FRMD4B: variants seen among roughly 807,000 people sequenced by gnomAD.
FRMD4B encodes the protein FERM domain-containing protein 4B.
Under a neutral mutation model 141.5 loss-of-function variants are expected in FRMD4B, and 74 were observed. The observed-to-expected ratio is 0.52, with a 90% CI of 0.43 to 0.63. The LOEUF (loss-of-function observed/expected upper bound fraction) is 0.63. Ranked by LOEUF, FRMD4B falls within the 30% of genes least tolerant of loss-of-function variation. FRMD4B has a pLI of 0.00. For missense variants in FRMD4B, 1,366 were observed against 1,253.4 expected, an observed-to-expected ratio of 1.09 and a Z score of -1.36; for synonymous variants, 506 against 467.9, an observed-to-expected ratio of 1.08 and a Z score of -1.05.
At chr3:69,443,459 C>A (rs1559528933) in intron 1 of FRMD4B, among the ~76,000 whole-genome samples, 1 of 152,154 alleles carries the variant, frequency 6.6e-6, no homozygotes, top group Non-Finnish European at 1.5e-5. Flanking sequence ...GTTCTATGAG[C>A]TATTATAGCT....
At chr3:69,429,007 T>C (rs1705131393) in intron 2 of FRMD4B, among the ~76,000 whole-genome samples, 1 of 152,210 alleles carries the variant, frequency 6.6e-6, no homozygotes, top group African/African-American at 2.4e-5. Context: ...TCATCCATGT[T>C]GTAGCATGTG....
intron 5 of FRMD4B, among the ~76,000 whole-genome samples, chr3:69,264,924 T>C (rs1476935240): frequency 2.0e-5 from 3 of 152,048 alleles, no homozygotes; most frequent in African/African-American, 7.2e-5. Context: ...GTTTGTCATA[T>C]GTGAATTAAT....
chr3:69,256,451 C>G (rs2093493662), intron 5 of FRMD4B, among the ~76,000 whole-genome samples: 1 of 152,170 alleles, frequency 6.6e-6, no homozygotes, highest in African/African-American at 2.4e-5. Context: ...TCCTGATCAA[C>G]TGGGATTACA....
At chr3:69,245,834 GTTTTTTT>G (rs1183774603) in intron 7 of FRMD4B, among the ~76,000 whole-genome samples, 2 of 78,358 alleles carry the variant, frequency 2.6e-5, no homozygotes, top group Admixed American at 1.5e-4. Flanking sequence ...AGGCTAATTT[GTTTTTTT>G]TTTTTTTTTT....
intron 1 of FRMD4B, 144 bp from the exon 2 acceptor site, chr3:69,313,661 C>CAGATTTATT: frequency 1.6e-6 from 1 of 616,054 alleles, no homozygotes; most frequent in Middle Eastern, 2.6e-4. Flanking sequence ...TGGCCAAAAA[C>CAGATTTATT]AGATTTATTA....
At chr3:69,227,887 T>A (rs570369766) in intron 7 of FRMD4B, among the ~76,000 whole-genome samples, 1 of 151,940 alleles carries the variant, frequency 6.6e-6, no homozygotes, top group Non-Finnish European at 1.5e-5. Flanking sequence ...TAATGCAAGA[T>A]GTTAATAATA....
intron 2 of FRMD4B, among the ~76,000 whole-genome samples, chr3:69,430,950 G>C (rs1705168790): frequency 6.6e-6 from 1 of 152,132 alleles, no homozygotes. Flanking sequence ...TTCTCAGAGG[G>C]GGCTCCTTTA....
intron 1 of FRMD4B, among the ~76,000 whole-genome samples, chr3:69,514,533 T>C (rs765235224): frequency 1.3e-5 from 2 of 151,722 alleles, no homozygotes; most frequent in Admixed American, 6.6e-5. Flanking sequence ...ACTAAAAATA[T>C]AAAACTTAGC....
intron 17 of FRMD4B, among the ~76,000 whole-genome samples, chr3:69,191,144 C>G (rs1252457707): frequency 1.3e-5 from 2 of 152,166 alleles, no homozygotes; most frequent in Non-Finnish European, 2.9e-5. Flanking sequence ...TGTGGCCAGG[C>G]ACACTGCCTC....
chr3:69,540,210 A>G (rs1042673086), intron 1 of FRMD4B, among the ~76,000 whole-genome samples: 1 of 152,142 alleles, frequency 6.6e-6, no homozygotes, highest in African/African-American at 2.4e-5. Flanking sequence ...GAATTGTAGA[A>G]ACACCAATAC....
chr3:69,462,167 C>T (rs947711331), intron 1 of FRMD4B, among the ~76,000 whole-genome samples: 23 of 152,098 alleles, frequency 1.5e-4, no homozygotes, highest in Non-Finnish European at 3.2e-4. Flanking sequence ...GATGCCAAAA[C>T]ATGGTGTCTT....
intron 2 of FRMD4B, among the ~76,000 whole-genome samples, chr3:69,410,639 G>A (rs992025095): frequency 3.3e-5 from 5 of 150,572 alleles, no homozygotes; most frequent in African/African-American, 1.2e-4. Context: ...TTTACCTACG[G>A]GTTCAGCATC....
chr3:69,177,121 T>G (rs914595826), intron 21 of FRMD4B, among the ~76,000 whole-genome samples: 5 of 152,132 alleles, frequency 3.3e-5, no homozygotes, highest in South Asian at 2.1e-4. Context: ...GAGGACCACT[T>G]GAAGCTAAGA....
intron 1 of FRMD4B, among the ~76,000 whole-genome samples, chr3:69,347,174 T>C (rs1702976344): frequency 6.6e-6 from 1 of 152,052 alleles, no homozygotes; most frequent in Non-Finnish European, 1.5e-5. Context: ...AAGGCAAGGG[T>C]TGCAATCCTA....
intron 1 of FRMD4B, among the ~76,000 whole-genome samples, chr3:69,502,929 A>G (rs2107070065): frequency 6.6e-6 from 1 of 152,358 alleles, no homozygotes; most frequent in Non-Finnish European, 1.5e-5. Flanking sequence ...CAGACACATG[A>G]AAAAATGCTC....
At chr3:69,297,235 G>A (rs1259472563) in intron 4 of FRMD4B, among the ~76,000 whole-genome samples, 1 of 152,190 alleles carries the variant, frequency 6.6e-6, no homozygotes, top group Non-Finnish European at 1.5e-5. Flanking sequence ...GACCAGGCCA[G>A]GAGCGATGAG....
intron 1 of FRMD4B, among the ~76,000 whole-genome samples, chr3:69,447,216 A>T (rs1304055038): frequency 6.6e-6 from 1 of 152,210 alleles, no homozygotes; most frequent in Non-Finnish European, 1.5e-5. Context: ...TCTCTTTTAC[A>T]TACTCATCAT....
At chr3:69,224,739 T>A in intron 7 of FRMD4B, 49 bp from the exon 8 acceptor site, 1 of 868,618 alleles carries the variant, frequency 1.2e-6, no homozygotes, top group South Asian at 1.5e-5. Context: ...ATCCAAAAAA[T>A]TATGCAAGCC....
At chr3:69,324,387 C>G (rs758213916) in intron 1 of FRMD4B, among the ~76,000 whole-genome samples, 4 of 152,242 alleles carry the variant, frequency 2.6e-5, no homozygotes, top group Non-Finnish European at 4.4e-5. Flanking sequence ...AAGCACTGTT[C>G]TTGGCACTAT....
Sources: gnomAD v4.1 joint callset for allele counts (sites outside exome capture counted in the v4.1 genomes callset) on GRCh38, gnomAD v4.1.1 for gene constraint, MANE v1.5 for transcripts, NCBI Gene and HGNC (gene_info 2026-07-23, HGNC 2026-07-21) for gene names.